Variants in COPA observed in about 807,000 individuals in gnomAD.
COPA encodes the protein coatomer subunit alpha.
Under a neutral mutation model 158.7 loss-of-function variants are expected in COPA, and 10 were observed. The ratio of observed to expected loss-of-function variants is 0.06; its 90% CI spans 0.04 to 0.11. The LOEUF is 0.11. COPA is among the 10% of genes least tolerant of loss of function. The pLI is 1.00. For missense variants in COPA, 1,065 were observed against 1,536.7 expected (o/e 0.69, Z 5.13); for synonymous variants, 462 against 542.8 (o/e 0.85, Z 2.07).
chr1:160,323,633 T>C (rs994204945), intron 7 of COPA, 103 bp from the exon 8 acceptor site: 2 of 826,032 alleles, frequency 2.4e-6, no homozygotes, highest in Admixed American at 6.0e-5. Context: ...GATTTATTCT[T>C]CATGTGAACA....
At chr1:160,313,943 AAAGAGAGAGT>A in intron 9 of COPA, 37 bp downstream of exon 9, 2 of 1,513,502 alleles carry the variant, frequency 1.3e-6, no homozygotes, top group Non-Finnish European at 1.8e-6. Flanking sequence ...TCTAATTTTA[AAAGAGAGAGT>A]AAGAGAAAGT....
chr1:160,297,765 G>A lies in COPA; in HGVS notation c.1978-20C>T, dbSNP rs10159339. 37,798 of 1,609,668 alleles carry A rather than the reference G, an allele frequency of 0.023. 640 individuals carry two copies. The highest frequency in any genetic ancestry group is 0.073 in the East Asian group (3,267 of 44,858). Reference sequence around the variant, plus strand: ...AGCAATCTAAAGAATCCCCAGGGTCGTGTTAACAGGTTGAAGGACAATGTG... The same window carrying A: ...AGCAATCTAAAGAATCCCCAGGGTCATGTTAACAGGTTGAAGGACAATGTG... On this transcript the variant is annotated intron_variant, in intron 19 of 32. Coordinates refer to ENST00000241704, the MANE Select transcript of COPA (RefSeq NM_004371.4).
rs1159213309 is a variant in COPA, at chr1:160,290,108, T to C, written c.*49A>G. On this transcript the variant is annotated 3_prime_UTR_variant, in exon 33 of 33. Coordinates refer to ENST00000241704, the MANE Select transcript of COPA (RefSeq NM_004371.4). ...CTGTTAGAAGGAGGATATAGACACA[T>C]TCTCTGGGGGGAACATATGGTGACT... is the stretch of plus-strand genomic sequence containing the variant. 6.4e-7 allele frequency: 1 copy of C among 1,573,736 alleles called. No homozygotes were observed. The highest frequency in any genetic ancestry group is 1.4e-5 in the African/African-American group (1 of 73,996).
Position 160,297,426 on chromosome 1 carries a change from T to C in COPA, c.2180A>G (p.Lys727Arg). 2 of 1,614,174 alleles carry C rather than the reference T, an allele frequency of 1.2e-6. No individual in the cohort carries two copies. Among genetic ancestry groups the C allele is most frequent in the South Asian group, 1.1e-5 (1 of 91,078 alleles). ...RKMMKIAEIRKDMSGHYQNAL... is the reference protein window; with the variant it reads ...RKMMKIAEIRRDMSGHYQNAL... The stretch of plus-strand genomic sequence containing the variant: ...ATTCTGATAGTGGCCACTCATGTCC[T>C]TTCTGATCTCAGCTGCACCAAGTAA... Residue 727 changes from lysine (K) to arginine (R), a missense_variant, in exon 21 of 33, where the codon AAG becomes AGG. By Grantham distance (26) the Lys-to-Arg change is conservative (BLOSUM62 2). Transcript: ENST00000241704.
intron 21 of COPA, 143 bp downstream of exon 21, chr1:160,297,200 T>C (rs1658444401): frequency 2.8e-6 from 2 of 723,936 alleles, no homozygotes; most frequent in African/African-American, 1.8e-5. Context: ...GAAAATCTTC[T>C]AAGCACAGTA....
intron 3 of COPA, among the ~76,000 whole-genome samples, chr1:160,336,850 T>A (rs1229522930): frequency 6.6e-6 from 1 of 152,228 alleles, no homozygotes; most frequent in Non-Finnish European, 1.5e-5. Context: ...AAAAGTATGA[T>A]CTTCCAAACA....
intron 23 of COPA, 103 bp from the exon 24 acceptor site, chr1:160,294,960 C>T: frequency 1.2e-6 from 1 of 812,472 alleles, no homozygotes; most frequent in Middle Eastern, 2.3e-4. Flanking sequence ...AGGTGCCAAG[C>T]TTCTGCCTAC....
At chr1:160,315,407 C>T (rs573131119) in intron 8 of COPA, among the ~76,000 whole-genome samples, 11 of 152,364 alleles carry the variant, frequency 7.2e-5, no homozygotes, top group African/African-American at 2.4e-4. Context: ...GATGCCAAAT[C>T]AGAGTGGCTG....
chr1:160,313,115 C>T lies in COPA; in HGVS notation c.895G>A (p.Ala299Thr), dbSNP rs771598938. The change falls in exon 10 of 33, where the codon GCT becomes ACT. Residue 299 changes from alanine (A) to threonine (T), a missense_variant. This residue lies in a region of COPA where 980 missense variants were observed against 1,357.8 expected (regional missense o/e 0.72). Transcript: ENST00000241704. Reference protein sequence around the residue: ...RDHDRFWVLAAHPNLNLFAAG... With the variant: ...RDHDRFWVLATHPNLNLFAAG... ...GCAAAGAGGTTAAGGTTAGGGTGAG[C>T]AGCTAGGACCCAGAAACGATCATGG... The T allele has an allele frequency of 1.2e-6, 2 of 1,614,100 alleles. No homozygotes were observed. Among genetic ancestry groups the T allele is most frequent in the Non-Finnish European group, 1.7e-6 (2 of 1,180,010 alleles).
chr1:160,343,216 C>G lies in COPA; in HGVS notation c.-46G>C. On this transcript the variant is annotated 5_prime_UTR_variant, in exon 1 of 33. Transcript: ENST00000241704. ...ATGTCTTAATCCGAGCCCCGACACA[C>G]CCTGCTGCCCTTCGGACGCCTCCAC... The G allele has an allele frequency of 6.2e-7, 1 of 1,613,376 alleles. No homozygotes were observed. Among genetic ancestry groups the G allele is most frequent in the Non-Finnish European group, 8.5e-7 (1 of 1,179,280 alleles).
chr1:160,313,883 TG>T, intron 9 of COPA, 106 bp downstream of exon 9: 12 of 1,074,760 alleles, frequency 1.1e-5, no homozygotes, highest in Non-Finnish European at 1.5e-5. Context: ...ATATATGATT[TG>T]ATTTGTCTAC....
chr1:160,330,974 G>C (rs1431833912), intron 6 of COPA, among the ~76,000 whole-genome samples: 1 of 151,786 alleles, frequency 6.6e-6, no homozygotes, highest in Non-Finnish European at 1.5e-5. Context: ...AGGAGCTCGA[G>C]ACCAGCCTGG....
intron 8 of COPA, among the ~76,000 whole-genome samples, chr1:160,315,864 T>C (rs1308995378): frequency 6.6e-6 from 1 of 152,238 alleles, no homozygotes; most frequent in African/African-American, 2.4e-5. Flanking sequence ...AACCCTGTTA[T>C]CGCCAAGAGA....
intron 3 of COPA, 23 bp downstream of exon 3, chr1:160,339,886 C>G: frequency 1.2e-6 from 2 of 1,600,576 alleles, no homozygotes; most frequent in South Asian, 2.2e-5. Flanking sequence ...CCTTTATTCT[C>G]AGTTATGACA....
chr1:160,327,089 T>A (rs1647267875), intron 6 of COPA, among the ~76,000 whole-genome samples: 1 of 152,210 alleles, frequency 6.6e-6, no homozygotes, highest in Admixed American at 6.5e-5. Flanking sequence ...GGTAAAATTA[T>A]AACAGTTTGT....
At chr1:160,322,327 G>T (rs1290690101) in intron 8 of COPA, among the ~76,000 whole-genome samples, 1 of 152,122 alleles carries the variant, frequency 6.6e-6, no homozygotes, top group African/African-American at 2.4e-5. Context: ...GCTAACTCAT[G>T]TTTAACAAAG....
At position 160,290,675 on chromosome 1, in the gene COPA, G is replaced by T; in HGVS notation, c.3432C>A (p.Ile1144=). Residue 1144 remains isoleucine (I), a synonymous_variant, in exon 32 of 33, where the codon ATC becomes ATA. Coordinates refer to ENST00000241704, the MANE Select transcript of COPA (RefSeq NM_004371.4). ...TGGGATTCTTCTCACAGGCAGACAG[G>T]ATTTTTCGGGTCTAGGGGAAGGAAG... ...KPEVAQQTRK[I]LSACEKNPTD... 1 of 1,614,124 alleles carries T rather than the reference G, an allele frequency of 6.2e-7. No homozygotes were observed. Among genetic ancestry groups the T allele is most frequent in the African/African-American group, 1.3e-5 (1 of 75,038 alleles).
In COPA at chr1:160,295,723, A is replaced by G; in HGVS notation, c.2476+13T>C. 1.3e-6 allele frequency: 2 copies of G among 1,592,862 alleles called. No individual in the cohort carries two copies. Among genetic ancestry groups the G allele is most frequent in the Non-Finnish European group, 1.7e-6 (2 of 1,172,822 alleles). On this transcript the variant is annotated intron_variant, in intron 23 of 32. Transcript: ENST00000241704. ...CAAACAACAAAAGTGCTATGGGAGA[A>G]ATAGGTACTTACCTTTGCTGGCAAT...
In COPA at chr1:160,316,420, G is replaced by A. The variant is rs149360857; in HGVS notation, c.707-2295C>T. On this transcript the variant is annotated intron_variant, in intron 8 of 32. Coordinates refer to ENST00000241704, the MANE Select transcript of COPA (RefSeq NM_004371.4). ...GAAAAGGAACAAAGACTACCTACAA[G>A]ACTACAAGATACAGAAAATTGCCTC... Among the ~76,000 whole-genome samples, 103 of 151,574 alleles carry A rather than the reference G, an allele frequency of 6.8e-4. No individual in the cohort carries two copies. The Middle Eastern group carries it at 0.014, about 20-fold the overall frequency.
Sources: gnomAD v4.1 joint callset for allele counts (sites outside exome capture counted in the v4.1 genomes callset) on GRCh38, gnomAD v4.1.1 for gene constraint, gnomAD v4.1.1 regional missense constraint, MANE v1.5 for transcripts, NCBI Gene and HGNC (gene_info 2026-07-23, HGNC 2026-07-21) for gene names.